The following AAGAB variants were observed in gnomAD, a reference collection of about 807,000 sequenced individuals.
The protein encoded by AAGAB is alpha- and gamma-adaptin-binding protein p34.
AAGAB carries 38 observed loss-of-function variants against 44.1 expected under a neutral mutation model. The ratio of observed to expected loss-of-function variants is 0.86; its 90% CI spans 0.67 to 1.13. The LOEUF (loss-of-function observed/expected upper bound fraction) is 1.13. Among genes scored for constraint, AAGAB ranks in the 50% most tolerant of loss-of-function variants. The pLI is 0.00. For synonymous variants in AAGAB, 131 were observed against 131.8 expected (o/e 0.99, Z 0.04); for missense variants, 450 against 373.8 (o/e 1.20, Z -1.68).
At chr15:67,204,790 A>G (rs1184392847) in intron 7 of AAGAB, among the ~76,000 whole-genome samples, 2 of 152,008 alleles carry the variant, frequency 1.3e-5, no homozygotes, top group African/African-American at 4.8e-5. Context: ...CAGAATTTTA[A>G]CTCCTTCTCC....
At chr15:67,229,925 C>G (rs1045158123) in intron 5 of AAGAB, among the ~76,000 whole-genome samples, 4 of 152,106 alleles carry the variant, frequency 2.6e-5, no homozygotes, top group African/African-American at 9.7e-5. Flanking sequence ...CGGCTCACTG[C>G]AACCTCTGAC....
intron 1 of AAGAB, among the ~76,000 whole-genome samples, chr15:67,245,728 G>T (rs533975135): frequency 6.6e-6 from 1 of 152,160 alleles, no homozygotes; most frequent in African/African-American, 2.4e-5. Flanking sequence ...AACAATGGAT[G>T]GCACATGTGA....
chr15:67,254,878 G>T (rs376484021), upstream of AAGAB: 44 of 1,612,526 alleles, frequency 2.7e-5, no homozygotes, highest in Non-Finnish European at 3.4e-5. Flanking sequence ...CGCGGAGGTA[G>T]CCGTTCCCTG....
chr15:67,214,058 C>G (rs1033764977), intron 5 of AAGAB, among the ~76,000 whole-genome samples: 6 of 152,182 alleles, frequency 3.9e-5, no homozygotes, highest in Non-Finnish European at 8.8e-5. Flanking sequence ...TATACTCTTT[C>G]CATTAAGGCC....
intron 5 of AAGAB, among the ~76,000 whole-genome samples, chr15:67,222,230 A>ACGCGCGCGCGCG (rs372896757): frequency 3.7e-5 from 5 of 133,772 alleles, no homozygotes; most frequent in African/African-American, 1.5e-4. Flanking sequence ...ATGCACGCGC[A>ACGCGCGCGCGCG]CGCGCGCGCG....
intron 5 of AAGAB, among the ~76,000 whole-genome samples, chr15:67,228,801 C>T (rs191664258): frequency 1.4e-3 from 220 of 152,246 alleles, no homozygotes; most frequent in Non-Finnish European, 1.1e-3. Flanking sequence ...GGCATAAAAA[C>T]GAACAAAGTC....
intron 7 of AAGAB, 75 bp from the exon 8 acceptor site, chr15:67,204,223 T>G (rs975789741): frequency 3.9e-6 from 4 of 1,030,822 alleles, no homozygotes; most frequent in Non-Finnish European, 5.8e-6. Flanking sequence ...CTAAGGCAAA[T>G]GCTAACCTTG....
At chr15:67,243,236 C>G (rs1174303878) in intron 1 of AAGAB, among the ~76,000 whole-genome samples, 1 of 151,922 alleles carries the variant, frequency 6.6e-6, no homozygotes, top group Non-Finnish European at 1.5e-5. Context: ...CATAAAGAAG[C>G]CATCAGGAAA....
chr15:67,204,794 C>A (rs781236295), intron 7 of AAGAB, among the ~76,000 whole-genome samples: 1 of 152,172 alleles, frequency 6.6e-6, no homozygotes, highest in Non-Finnish European at 1.5e-5. Flanking sequence ...ATTTTAACTC[C>A]TTCTCCACTC....
At chr15:67,254,737 G>T, upstream of AAGAB, 4 of 1,370,070 alleles carry the variant, frequency 2.9e-6, no homozygotes, top group South Asian at 5.1e-5. Context: ...TTCTCGGAAT[G>T]ACCAGGCTGG....
chr15:67,235,488 G>A (rs1008976571), intron 4 of AAGAB, among the ~76,000 whole-genome samples: 2 of 152,286 alleles, frequency 1.3e-5, no homozygotes, highest in Admixed American at 1.3e-4. Flanking sequence ...GGAGGACAGC[G>A]ATTGCAGAGC....
chr15:67,221,114 C>T (rs1964055437), intron 5 of AAGAB: 1 of 152,214 alleles, frequency 6.6e-6, no homozygotes, highest in Non-Finnish European at 1.5e-5. Flanking sequence ...TAGACAATTC[C>T]CATTCTTCCC....
chr15:67,213,984 A>C (rs1963884049), intron 5 of AAGAB, among the ~76,000 whole-genome samples: 1 of 152,202 alleles, frequency 6.6e-6, no homozygotes, highest in Non-Finnish European at 1.5e-5. Flanking sequence ...AGATTAGGTA[A>C]CTTATCCAAA....
rs149050387 is a variant in AAGAB, at chr15:67,243,243, G to A, written c.74-6423C>T. 4.5e-4 allele frequency among the ~76,000 whole-genome samples: 68 copies of A among 152,216 alleles called. No individual in the cohort carries two copies. In the East Asian group the frequency reaches 0.012, roughly 26 times the overall value. ...CACAAGAACATAAAGAAGCCATCAG[G>A]AAAGGGAGAGAGAATATGGAGAAGG... is the stretch of plus-strand genomic sequence containing the variant. On this transcript the variant is annotated intron_variant, in intron 1 of 9. Transcript: ENST00000261880.
At chr15:67,205,049 A>G (rs914953878) in intron 7 of AAGAB, among the ~76,000 whole-genome samples, 3 of 152,208 alleles carry the variant, frequency 2.0e-5, no homozygotes, top group Non-Finnish European at 1.5e-5. Context: ...CAACAGCCCT[A>G]TGAGGAAAGA....
At position 67,209,265 on chromosome 15, in the gene AAGAB, T is replaced by C. The variant is rs145787268; in HGVS notation, c.618+197A>G. On this transcript the variant is annotated intron_variant, in intron 6 of 9. Coordinates refer to ENST00000261880, the MANE Select transcript of AAGAB (RefSeq NM_024666.5). ...ATTTTAGAAAGCACCCTAGTAAAAA[T>C]AAAACCAAAGCTGTAAACATCTTGA... Among the ~76,000 whole-genome samples, 104 of 152,306 alleles carry C rather than the reference T, an allele frequency of 6.8e-4. 4 individuals carry two copies. In the East Asian group the frequency reaches 0.012, roughly 17 times the overall value.
chr15:67,202,235 A>G lies in AAGAB; in HGVS notation c.*586T>C, dbSNP rs1327394446. ...CACTGGCTTTTTGATTCTTTCTAGC[A>G]TGAGCTCAGACACTATACTTCAAAA... On this transcript the variant is annotated 3_prime_UTR_variant, in exon 10 of 10. Coordinates refer to ENST00000261880, the MANE Select transcript of AAGAB (RefSeq NM_024666.5). The G allele has an allele frequency of 6.6e-6, 1 of 152,560 alleles. No individual in the cohort carries two copies. The highest frequency in any genetic ancestry group is 1.5e-5 in the Non-Finnish European group (1 of 68,198). The allele number at this position is 152,560 out of a possible 1,614,324, so 9.5% of individuals were successfully genotyped here.
rs1964478120 is a variant in AAGAB at position 67,236,732 on chromosome 15, A to G, written c.162T>C (p.Tyr54=). Residue 54 remains tyrosine (Y), a synonymous_variant, in exon 2 of 10, where the codon TAT becomes TAC. Coordinates refer to ENST00000261880, the MANE Select transcript of AAGAB (RefSeq NM_024666.5). ...CCACACATAGATTGATGTCTGCTGA[A>G]TAGTATTTATTATCAATGGTCCAGG... ...FYPWTIDNKY[Y]SADINLCVVP... is the part of the protein sequence containing the mutation. The G allele has an allele frequency of 6.2e-7, 1 of 1,613,298 alleles. No homozygotes were observed. Among genetic ancestry groups the G allele is most frequent in the South Asian group, 1.1e-5 (1 of 91,040 alleles).
chr15:67,223,546 C>CAA (rs1964130612), intron 5 of AAGAB, among the ~76,000 whole-genome samples: 1 of 152,098 alleles, frequency 6.6e-6, no homozygotes, highest in African/African-American at 2.4e-5. Context: ...CCTTTTCTTA[C>CAA]CCCTTTCATT....
Sources: allele counts gnomAD v4.1 joint callset (sites outside exome capture counted in the v4.1 genomes callset), GRCh38; gene constraint gnomAD v4.1.1; transcripts MANE v1.5; gene names NCBI Gene and HGNC (gene_info 2026-07-23, HGNC 2026-07-21).